Variants in ZNF420 observed in about 807,000 individuals in gnomAD.
ZNF420 encodes the protein zinc finger protein 420.
ZNF420 carries 31 observed loss-of-function variants against 44.7 expected under a neutral mutation model. The ratio of observed to expected loss-of-function variants is 0.69; its 90% CI spans 0.52 to 0.94. ZNF420 has a LOEUF of 0.94. Among genes scored for constraint, ZNF420 ranks in the 40% least tolerant of loss-of-function variants. The pLI, the probability that ZNF420 is intolerant of heterozygous loss-of-function variation, is 0.00. For missense variants in ZNF420, 681 were observed against 827.9 expected, an observed-to-expected ratio of 0.82 and a Z score of 2.18; for synonymous variants, 245 against 267.4, an observed-to-expected ratio of 0.92 and a Z score of 0.82.
At chr19:37,057,023 T>G (rs906710355) in intron 1 of ZNF420, among the ~76,000 whole-genome samples, 2 of 152,258 alleles carry the variant, frequency 1.3e-5, no homozygotes, top group Non-Finnish European at 2.9e-5. Flanking sequence ...CGCCAGCCAA[T>G]TCTCCCATCA....
intron 1 of ZNF420, among the ~76,000 whole-genome samples, chr19:37,060,213 T>C (rs958853285): frequency 2.6e-5 from 4 of 152,130 alleles, no homozygotes; most frequent in Non-Finnish European, 4.4e-5. Flanking sequence ...CAGGAGCTCA[T>C]TGTCCTAAAG....
chr19:37,050,357 G>A (rs1221156002), intron 1 of ZNF420, among the ~76,000 whole-genome samples: 1 of 152,132 alleles, frequency 6.6e-6, no homozygotes, highest in Admixed American at 6.5e-5. Flanking sequence ...AGCATGTAAT[G>A]TTCTTCCATT....
At position 37,112,424 on chromosome 19, in the gene ZNF420, A is replaced by G. The variant is rs540083123; in HGVS notation, c.137-14704A>G. On this transcript the variant is annotated intron_variant, in intron 4 of 4. Transcript: ENST00000337995. ...TTGATTATCTGGCCCTAAGCAATGT[A>G]AAATCTCAGCACTTTGATACACTTC... 1.1e-4 allele frequency among the ~76,000 whole-genome samples: 17 copies of G among 152,288 alleles called. No individual in the cohort carries two copies. The South Asian group carries it at 3.3e-3, about 30-fold the overall frequency.
At chr19:37,120,413 A>G (rs1401419626) in intron 4 of ZNF420, among the ~76,000 whole-genome samples, 1 of 152,074 alleles carries the variant, frequency 6.6e-6, no homozygotes, top group African/African-American at 2.4e-5. Flanking sequence ...GCCTTTGACA[A>G]AATTCAACAA....
In ZNF420 at chr19:37,061,322, C is replaced by CTA. The variant is rs1967876696; in HGVS notation, c.-124-19022_-124-19021insAT. On this transcript the variant is annotated intron_variant, in intron 1 of 4. Transcript: ENST00000587029. The stretch of plus-strand genomic sequence containing the variant: ...AATTTTGGACATGTAAAATTCATGT[C>CTA]TTCTATAGAGTAACTGGGTAAAGAT... Among the ~76,000 whole-genome samples the CTA allele has an allele frequency of 2.0e-5, 3 of 152,202 alleles. No homozygotes were observed. The South Asian group carries it at 6.2e-4, about 32-fold the overall frequency.
In ZNF420 at chr19:37,100,915, TTA is replaced by T. The variant is rs561759477; in HGVS notation, c.136+9795_136+9796del. ...TGAACATGGAAAATATTTCCACTTA[TTA>T]GTTTCCTCTTTAATTTCTTTTGTCA... On this transcript the variant is annotated intron_variant, in intron 4 of 4. Coordinates refer to ENST00000337995, the MANE Select transcript of ZNF420 (RefSeq NM_144689.5). Among the ~76,000 whole-genome samples the T allele has an allele frequency of 4.6e-5, 7 of 152,300 alleles. No individual in the cohort carries two copies. In the South Asian group the frequency reaches 1.4e-3, roughly 32 times the overall value.
chr19:37,059,144 G>A (rs963655020), intron 1 of ZNF420, among the ~76,000 whole-genome samples: 1 of 152,184 alleles, frequency 6.6e-6, no homozygotes, highest in African/African-American at 2.4e-5. Flanking sequence ...CCCCTCCACC[G>A]GTGGAAGTCG....
rs970878531 is a variant in ZNF420, at chr19:37,082,509, T to C, written c.-81+2121T>C. ...TTGGAGTATTTAGTCCATTTATATTTAGTGTGATTATTGATATGGTTTGGT... is the reference window on the plus strand; with the variant it reads ...TTGGAGTATTTAGTCCATTTATATTCAGTGTGATTATTGATATGGTTTGGT... On this transcript the variant is annotated intron_variant, in intron 2 of 4. Transcript: ENST00000337995. Among the ~76,000 whole-genome samples, 11 of 152,330 alleles carry C rather than the reference T, an allele frequency of 7.2e-5. No homozygotes were observed. In the South Asian group the frequency reaches 8.3e-4, roughly 11 times the overall value.
chr19:37,037,998 T>C (rs1407455523), intron 1 of ZNF420, among the ~76,000 whole-genome samples: 3 of 151,806 alleles, frequency 2.0e-5, no homozygotes, highest in Non-Finnish European at 2.9e-5. Flanking sequence ...GAGTGAGAAG[T>C]GGGGAGAGTG....
rs142983916 is a variant in ZNF420, at chr19:37,128,877, A to G, written c.1886A>G (p.His629Arg). ...AGAAAGGCCTTTACTCAGAGTTCACATCTTTCTCGGCATCAGAGAATTCAT... is the reference window on the plus strand; with the variant it reads ...AGAAAGGCCTTTACTCAGAGTTCACGTCTTTCTCGGCATCAGAGAATTCAT... ...ECRKAFTQSSHLSRHQRIHTG... is the reference protein window; with the variant it reads ...ECRKAFTQSSRLSRHQRIHTG... Residue 629 changes from histidine to arginine, a missense_variant, in exon 5 of 5, where the codon CAT (histidine) becomes CGT (arginine). Physicochemically the swap from His to Arg is conservative, Grantham distance 29. Transcript: ENST00000337995. The G allele has an allele frequency of 1.9e-6, 3 of 1,612,488 alleles. No individual in the cohort carries two copies. Among genetic ancestry groups the G allele is most frequent in the East Asian group, 2.2e-5 (1 of 44,790 alleles).
upstream of ZNF420, among the ~76,000 whole-genome samples, chr19:37,077,677 T>C (rs1968192967): frequency 6.6e-6 from 1 of 152,188 alleles, no homozygotes. Context: ...TCATTTGCTC[T>C]TGGCACCCTT....
chr19:37,070,702 T>C (rs1968044693), intron 1 of ZNF420, among the ~76,000 whole-genome samples: 1 of 152,208 alleles, frequency 6.6e-6, no homozygotes, highest in African/African-American at 2.4e-5. Flanking sequence ...AATGAGATTC[T>C]ACTGCATATA....
At chr19:37,038,031 A>G (rs1430511698) in intron 1 of ZNF420, among the ~76,000 whole-genome samples, 1 of 152,118 alleles carries the variant, frequency 6.6e-6, no homozygotes, top group Non-Finnish European at 1.5e-5. Flanking sequence ...AAGAAAAGCC[A>G]AAATGATGGC....
chr19:37,047,643 G>A (rs771391673), intron 1 of ZNF420, among the ~76,000 whole-genome samples: 23 of 151,994 alleles, frequency 1.5e-4, no homozygotes, highest in African/African-American at 4.4e-4. Flanking sequence ...TTGATCCTTC[G>A]TAATATCTCT....
chr19:37,128,096 G>A lies in ZNF420; in HGVS notation c.1105G>A (p.Gly369Arg). 1 of 1,613,904 alleles carries A rather than the reference G, an allele frequency of 6.2e-7. No homozygotes were observed. Reference sequence around the variant, plus strand: ...AAAACCCTATAAATGTGAAGAATGTGGGAAGGCCTTTATCCGTGGCTCACA... The same window carrying A: ...AAAACCCTATAAATGTGAAGAATGTAGGAAGGCCTTTATCCGTGGCTCACA... ...GEKPYKCEEC[G>R]KAFIRGSQLT... The change falls in exon 5 of 5, where the codon GGG becomes AGG. Residue 369 changes from glycine to arginine, a missense_variant. Transcript: ENST00000337995.
intron 4 of ZNF420, among the ~76,000 whole-genome samples, chr19:37,102,897 T>C (rs554926564): frequency 6.6e-6 from 1 of 152,350 alleles, no homozygotes; most frequent in East Asian, 1.9e-4. Context: ...CACGTCACTT[T>C]TTTTGTATTA....
rs1971446535 is a variant in ZNF420, at chr19:37,127,940, A to G, written c.949A>G (p.Ile317Val). Residue 317 changes from isoleucine (I) to valine (V), a missense_variant, in exon 5 of 5, where the codon ATT (isoleucine) becomes GTT (valine). Around this residue, in one of 3 missense-constraint regions of ZNF420, gnomAD observed 350 missense variants for 382.5 expected, o/e 0.92. Coordinates refer to ENST00000337995, the MANE Select transcript of ZNF420 (RefSeq NM_144689.5). ...ATGTAAGGAATGTGGAAAAGCTTTT[A>G]TTTGTGGCTCACAGCTTTCTCAACA... ...YECKECGKAFICGSQLSQHQK... is the reference protein window; with the variant it reads ...YECKECGKAFVCGSQLSQHQK... 1.2e-6 allele frequency: 2 copies of G among 1,613,980 alleles called. No homozygotes were observed. Among genetic ancestry groups the G allele is most frequent in the East Asian group, 2.2e-5 (1 of 44,892 alleles).
chr19:37,098,266 T>C (rs1040843852), intron 4 of ZNF420, among the ~76,000 whole-genome samples: 2 of 152,140 alleles, frequency 1.3e-5, no homozygotes, highest in African/African-American at 4.8e-5. Context: ...TATTCTTTAA[T>C]GTTTGGATAA....
At chr19:37,052,298 G>A (rs541564630) in intron 1 of ZNF420, among the ~76,000 whole-genome samples, 2 of 151,928 alleles carry the variant, frequency 1.3e-5, no homozygotes, top group East Asian at 3.9e-4. Context: ...ACACTGATGG[G>A]TCTTGACTCT....
Sources: gnomAD v4.1 joint callset for allele counts (sites outside exome capture counted in the v4.1 genomes callset) on GRCh38, gnomAD v4.1.1 for gene constraint, gnomAD v4.1.1 regional missense constraint, MANE v1.5 for transcripts, NCBI Gene and HGNC (gene_info 2026-07-23, HGNC 2026-07-21) for gene names.